The following DCHS2 variants were observed in gnomAD, a reference collection of about 807,000 sequenced individuals.
DCHS2 encodes protocadherin-23.
Under a neutral mutation model 182.4 loss-of-function variants are expected in DCHS2, and 142 were observed. The observed-to-expected ratio is 0.78, with a 90% CI of 0.68 to 0.89. The LOEUF (loss-of-function observed/expected upper bound fraction) is 0.89, where lower values mean the gene tolerates loss of function less well. Among genes scored for constraint, DCHS2 ranks in the 40% least tolerant of loss-of-function variants. The pLI is 0.00. For missense variants in DCHS2, 4,319 were observed against 4,198.6 expected (o/e 1.03, Z -0.79); for synonymous variants, 1,740 against 1,663.3 (o/e 1.05, Z -1.12).
chr4:154,384,508 T>A, intron 1 of DCHS2: 1 of 1,556,716 alleles, frequency 6.4e-7, no homozygotes, highest in South Asian at 1.2e-5. Context: ...AAAAAACCTC[T>A]GTCAATGTTC....
chr4:154,418,146 G>A (rs1732952215), intron 1 of DCHS2, among the ~76,000 whole-genome samples: 1 of 152,178 alleles, frequency 6.6e-6, no homozygotes, highest in South Asian at 2.1e-4. Context: ...AATTTTAAAT[G>A]CACCTGTAGG....
chr4:154,236,259 G>A lies in DCHS2; in HGVS notation c.8393C>T (p.Ala2798Val), dbSNP rs1384690708. ...ICSINALDFD[A>V]GPYGELTYSI... is the part of the protein sequence containing the mutation. ...ATAGGTCAATTCTCCATACGGACCA[G>A]CATCAAAATCCAGAGCATTTATAGA... The change falls in exon 20 of 20, where the codon GCT (alanine) becomes GTT (valine). Residue 2798 changes from alanine (A) to valine (V), a missense_variant. By Grantham distance (64) the Ala-to-Val change is moderately conservative. Transcript: ENST00000357232. 4 of 1,613,988 alleles carry A rather than the reference G, an allele frequency of 2.5e-6. No homozygotes were observed. In the East Asian group the frequency reaches 6.7e-5, roughly 27 times the overall value.
intron 1 of DCHS2, among the ~76,000 whole-genome samples, chr4:154,465,314 G>A (rs1002506181): frequency 2.6e-4 from 40 of 152,138 alleles, no homozygotes; most frequent in Non-Finnish European, 5.7e-4. Context: ...CTCTCAATGT[G>A]CTTCTCCCAG....
At chr4:154,310,644 G>T (rs1383653538) in intron 10 of DCHS2, among the ~76,000 whole-genome samples, 1 of 152,168 alleles carries the variant, frequency 6.6e-6, no homozygotes, top group Non-Finnish European at 1.5e-5. Flanking sequence ...ACTGGGGATG[G>T]ATCATGGTGC....
intron 7 of DCHS2, among the ~76,000 whole-genome samples, chr4:154,324,181 T>G (rs1237827299): frequency 1.3e-5 from 2 of 152,226 alleles, no homozygotes; most frequent in Non-Finnish European, 2.9e-5. Flanking sequence ...TTTAAACATA[T>G]TAGTTGTATT....
chr4:154,338,782 GAA>G (rs1308123604), intron 3 of DCHS2, among the ~76,000 whole-genome samples: 1 of 152,078 alleles, frequency 6.6e-6, no homozygotes, highest in Non-Finnish European at 1.5e-5. Flanking sequence ...TTTTCATCTA[GAA>G]AGACTTTACA....
intron 1 of DCHS2, among the ~76,000 whole-genome samples, chr4:154,446,358 C>T (rs1213731977): frequency 2.0e-5 from 3 of 152,158 alleles, no homozygotes; most frequent in Non-Finnish European, 2.9e-5. Context: ...ATCACAGACC[C>T]GCTGTCAAGA....
intron 2 of DCHS2, chr4:154,374,222 G>A (rs1048728698): frequency 4.9e-5 from 21 of 429,110 alleles, no homozygotes; most frequent in Non-Finnish European, 8.4e-5. Flanking sequence ...AAGGATCTCT[G>A]TGTCCTGCAT....
In DCHS2 at chr4:154,328,129, C is replaced by T. The variant is rs760166424; in HGVS notation, c.3982G>A (p.Gly1328Arg). ...TTVFAKDPDE[G>R]NNAEVTYSVS... ...GAGTATGTAACTTCTGCATTATTTC[C>T]TTCATCAGGATCCTTTGCAAACACA... The change falls in exon 7 of 20, where the codon GGA becomes AGA. Residue 1328 changes from glycine to arginine, a missense_variant. By Grantham distance (125) the Gly-to-Arg change is moderately radical. Transcript: ENST00000357232. 2.5e-6 allele frequency: 4 copies of T among 1,608,394 alleles called. No homozygotes were observed. The East Asian group carries it at 9.0e-5, about 36-fold the overall frequency.
intron 12 of DCHS2, 27 bp downstream of exon 12, chr4:154,304,636 CAAACAA>C (rs1180370304): frequency 2.8e-6 from 1 of 357,178 alleles, no homozygotes; most frequent in South Asian, 4.6e-5. Context: ...CTTAAAAAAA[CAAACAA>C]ACAAACAAAC....
At chr4:154,330,153 GTC>G (rs1736462778) in intron 5 of DCHS2, among the ~76,000 whole-genome samples, 1 of 152,210 alleles carries the variant, frequency 6.6e-6, no homozygotes, top group Admixed American at 6.5e-5. Flanking sequence ...TGGGACTGCT[GTC>G]AGGAAGAAAT....
At chr4:154,436,317 T>TTA (rs1560757214) in intron 1 of DCHS2, among the ~76,000 whole-genome samples, 1 of 152,230 alleles carries the variant, frequency 6.6e-6, no homozygotes, top group African/African-American at 2.4e-5. Context: ...AAGTAGCTCT[T>TTA]TATAGCTTAT....
intron 1 of DCHS2, among the ~76,000 whole-genome samples, chr4:154,454,655 T>C (rs937025540): frequency 6.6e-6 from 1 of 152,154 alleles, no homozygotes; most frequent in African/African-American, 2.4e-5. Flanking sequence ...CCCATTCATT[T>C]TTAGTCTTTC....
At chr4:154,480,423 T>C (rs184248576) in intron 1 of DCHS2, among the ~76,000 whole-genome samples, 17 of 152,318 alleles carry the variant, frequency 1.1e-4, no homozygotes, top group Non-Finnish European at 2.4e-4. Context: ...AGATTAACTG[T>C]CATCAGTAAT....
intron 2 of DCHS2, chr4:154,374,185 C>A: frequency 2.0e-6 from 1 of 497,842 alleles, no homozygotes; most frequent in Non-Finnish European, 3.6e-6. Context: ...GCTTGCTTCT[C>A]CTGATGGACA....
chr4:154,471,213 A>T (rs1421252813), intron 1 of DCHS2, among the ~76,000 whole-genome samples: 3 of 152,230 alleles, frequency 2.0e-5, no homozygotes, highest in Non-Finnish European at 4.4e-5. Context: ...TGTCTCCGAC[A>T]GCCCAGTTTT....
At position 154,329,661 on chromosome 4, in the gene DCHS2, A is replaced by T. The variant is rs973562049; in HGVS notation, c.3780T>A (p.His1260Gln). 1.2e-6 allele frequency: 2 copies of T among 1,611,842 alleles called. No individual in the cohort carries two copies. Among genetic ancestry groups the T allele is most frequent in the African/African-American group, 2.7e-5 (2 of 74,946 alleles). ...GGTCTGTCACTAGCACAGTCATCTC[A>T]TGGTGCCCCCGGTGCTCACGATCCA... Reference protein sequence around the residue: ...VALDREHRGHHEMTVLVTDRG... With the variant: ...VALDREHRGHQEMTVLVTDRG... The change falls in exon 6 of 20, where the codon CAT becomes CAA. Residue 1260 changes from histidine to glutamine, a missense_variant. By Grantham distance (24) the His-to-Gln change is conservative. Coordinates refer to ENST00000357232, the MANE Select transcript of DCHS2 (RefSeq NM_001358235.2).
At chr4:154,473,160 A>G (rs1276161238) in intron 1 of DCHS2, among the ~76,000 whole-genome samples, 1 of 152,108 alleles carries the variant, frequency 6.6e-6, no homozygotes, top group East Asian at 1.9e-4. Flanking sequence ...TCCTCAGGCT[A>G]GGGTTACTTC....
At chr4:154,282,403 T>C (rs1287791380) in intron 13 of DCHS2, among the ~76,000 whole-genome samples, 6 of 151,630 alleles carry the variant, frequency 4.0e-5, no homozygotes, top group Non-Finnish European at 8.8e-5. Context: ...AAAGACGATA[T>C]CCAAACGGTC....
Sources: allele counts gnomAD v4.1 joint callset (sites outside exome capture counted in the v4.1 genomes callset), GRCh38; gene constraint gnomAD v4.1.1; transcripts MANE v1.5; gene names NCBI Gene and HGNC (gene_info 2026-07-23, HGNC 2026-07-21).